The following LDLRAD3 variants were observed in gnomAD, a reference collection of about 807,000 sequenced individuals.
LDLRAD3 encodes the protein low-density lipoprotein receptor class A domain-containing protein 3.
Under a neutral mutation model 29.4 loss-of-function variants are expected in LDLRAD3, and 20 were observed. The ratio of observed to expected loss-of-function variants is 0.68; its 90% confidence interval spans 0.48 to 0.99. LDLRAD3 has a LOEUF of 0.99. LDLRAD3 is among the 50% of genes least tolerant of loss of function. The pLI is 0.00. For synonymous variants in LDLRAD3, 157 were observed against 192.7 expected (o/e 0.81, Z 1.53); for missense variants, 420 against 454.3 (o/e 0.92, Z 0.69).
chr11:35,998,422 T>G (rs1851781903), intron 1 of LDLRAD3, among the ~76,000 whole-genome samples: 1 of 152,228 alleles, frequency 6.6e-6, no homozygotes, highest in Non-Finnish European at 1.5e-5. Context: ...AGGCCTTCCC[T>G]GCCAGGCTCC....
intron 1 of LDLRAD3, among the ~76,000 whole-genome samples, chr11:36,007,815 G>A (rs1851904065): frequency 6.6e-6 from 1 of 152,206 alleles, no homozygotes; most frequent in South Asian, 2.1e-4. Flanking sequence ...AAACTGGCAG[G>A]AGAATCCGAC....
intron 5 of LDLRAD3, 113 bp downstream of exon 5, chr11:36,227,543 AT>A: frequency 1.3e-6 from 1 of 761,002 alleles, no homozygotes; most frequent in Non-Finnish European, 2.0e-6. Flanking sequence ...TTCAGCTGCT[AT>A]AGGCAGTGGC....
chr11:36,069,810 A>G (rs1293349996), intron 2 of LDLRAD3, among the ~76,000 whole-genome samples: 1 of 152,146 alleles, frequency 6.6e-6, no homozygotes, highest in East Asian at 1.9e-4. Context: ...TAAAATTTCA[A>G]ATGTGGCCTA....
At chr11:36,131,798 T>C (rs1358470371) in intron 4 of LDLRAD3, among the ~76,000 whole-genome samples, 2 of 152,202 alleles carry the variant, frequency 1.3e-5, no homozygotes, top group Non-Finnish European at 1.5e-5. Flanking sequence ...TTTATTCCAG[T>C]TTGTATAGTC....
At chr11:35,997,576 G>A in intron 1 of LDLRAD3, 1 of 304,110 alleles carries the variant, frequency 3.3e-6, no homozygotes. Flanking sequence ...GACATACCCA[G>A]AGGGCCAATC....
At chr11:36,072,619 A>C (rs564270810) in intron 2 of LDLRAD3, among the ~76,000 whole-genome samples, 1 of 152,320 alleles carries the variant, frequency 6.6e-6, no homozygotes, top group Admixed American at 6.5e-5. Context: ...GTGTAGTTAA[A>C]AGAAGCTGGA....
chr11:36,214,304 C>T (rs1280950868), intron 4 of LDLRAD3, among the ~76,000 whole-genome samples: 2 of 152,154 alleles, frequency 1.3e-5, no homozygotes, highest in Non-Finnish European at 2.9e-5. Flanking sequence ...AGACCCAGGT[C>T]CAGTCTGCAG....
intron 4 of LDLRAD3, among the ~76,000 whole-genome samples, chr11:36,168,643 A>G (rs192339723): frequency 1.1e-4 from 17 of 152,180 alleles, no homozygotes; most frequent in Admixed American, 1.0e-3. Flanking sequence ...AAAGCAAGCA[A>G]AGCAGTAAAT....
chr11:36,105,337 T>C (rs1853513578), intron 4 of LDLRAD3, among the ~76,000 whole-genome samples: 1 of 151,854 alleles, frequency 6.6e-6, no homozygotes, highest in Non-Finnish European at 1.5e-5. Flanking sequence ...GGGGAGGTAA[T>C]GGGTAGGTGA....
At chr11:36,014,903 G>C (rs1393676091) in intron 1 of LDLRAD3, among the ~76,000 whole-genome samples, 2 of 152,246 alleles carry the variant, frequency 1.3e-5, no homozygotes, top group East Asian at 3.9e-4. Flanking sequence ...AAAAGAAGGG[G>C]GGAGCCCCCA....
chr11:35,975,219 C>T (rs911686420), intron 1 of LDLRAD3, among the ~76,000 whole-genome samples: 3 of 152,086 alleles, frequency 2.0e-5, no homozygotes, highest in African/African-American at 4.8e-5. Flanking sequence ...CATTTGGCCC[C>T]GAAATTCTGT....
At chr11:36,128,345 T>C (rs1286973657) in intron 4 of LDLRAD3, among the ~76,000 whole-genome samples, 4 of 151,924 alleles carry the variant, frequency 2.6e-5, no homozygotes, top group Non-Finnish European at 4.4e-5. Flanking sequence ...TAACCGCAAT[T>C]TCTTCTGCCC....
chr11:35,946,641 G>A (rs1024723210), intron 1 of LDLRAD3, among the ~76,000 whole-genome samples: 8 of 152,152 alleles, frequency 5.3e-5, no homozygotes, highest in African/African-American at 1.9e-4. Context: ...ATTTCTAAAG[G>A]CAGCCATGCT....
intron 4 of LDLRAD3, among the ~76,000 whole-genome samples, chr11:36,137,144 G>T (rs867718): frequency 0.61 from 93,047 of 152,048 alleles, 29,024 homozygotes; most frequent in African/African-American, 0.73. Context: ...GGAACATAAC[G>T]CAGCCATGCT....
chr11:36,153,870 G>A (rs532623135), intron 4 of LDLRAD3, among the ~76,000 whole-genome samples: 2 of 152,164 alleles, frequency 1.3e-5, no homozygotes, highest in South Asian at 2.1e-4. Context: ...AAGTGTCATC[G>A]ATAGACTAAC....
intron 4 of LDLRAD3, among the ~76,000 whole-genome samples, chr11:36,176,158 C>T (rs980237984): frequency 1.3e-5 from 2 of 152,060 alleles, no homozygotes; most frequent in African/African-American, 4.8e-5. Context: ...CTGTCTTTTT[C>T]CACCCCTTTA....
intron 4 of LDLRAD3, among the ~76,000 whole-genome samples, chr11:36,173,786 C>T (rs1271138790): frequency 6.6e-6 from 1 of 152,062 alleles, no homozygotes; most frequent in Non-Finnish European, 1.5e-5. Flanking sequence ...GGCCATACTG[C>T]CCAAGGTAAT....
chr11:36,142,778 A>G (rs984364258), intron 4 of LDLRAD3, among the ~76,000 whole-genome samples: 6 of 151,826 alleles, frequency 4.0e-5, no homozygotes, highest in African/African-American at 1.2e-4. Flanking sequence ...CTGCATTACT[A>G]CCTCTTCCAG....
intron 4 of LDLRAD3, among the ~76,000 whole-genome samples, chr11:36,131,717 T>C (rs549421996): frequency 6.6e-6 from 1 of 152,354 alleles, no homozygotes; most frequent in South Asian, 2.1e-4. Flanking sequence ...AAAGAATACC[T>C]GGGTGTATTT....
Sources: allele counts gnomAD v4.1 joint callset (sites outside exome capture counted in the v4.1 genomes callset), GRCh38; gene constraint gnomAD v4.1.1; transcripts MANE v1.5; gene names NCBI Gene and HGNC (gene_info 2026-07-23, HGNC 2026-07-21).